The following LAD1 variants were observed in gnomAD, a reference collection of about 807,000 sequenced individuals.
LAD1 encodes ladinin 1.
Under a neutral mutation model 54.2 loss-of-function variants are expected in LAD1, and 53 were observed. That is an observed-to-expected ratio of 0.98 (90% CI 0.78 to 1.23). LAD1 has a LOEUF of 1.23. Among genes scored for constraint, LAD1 ranks in the 50% most tolerant of loss-of-function variants. The pLI, the probability that LAD1 is intolerant of heterozygous loss-of-function variation, is 0.00. For synonymous variants in LAD1, 231 were observed against 257.7 expected (o/e 0.90, Z 0.99); for missense variants, 637 against 653.3 (o/e 0.98, Z 0.27).
chr1:201,388,247 C>T (rs1480990197), intron 2 of LAD1, among the ~76,000 whole-genome samples: 3 of 151,962 alleles, frequency 2.0e-5, no homozygotes, highest in South Asian at 2.1e-4. Context: ...AAAAATTATC[C>T]GGGCATGGTG....
At chr1:201,388,132 C>T (rs1490651292) in intron 2 of LAD1, among the ~76,000 whole-genome samples, 3 of 152,208 alleles carry the variant, frequency 2.0e-5, no homozygotes, top group Non-Finnish European at 4.4e-5. Flanking sequence ...GCGGCTCACA[C>T]CTGTAATCCC....
At chr1:201,388,528 C>T (rs140505467) in intron 2 of LAD1, among the ~76,000 whole-genome samples, 4,499 of 151,764 alleles carry the variant, frequency 0.03, 221 homozygotes, top group African/African-American at 0.1. Context: ...ACTAAAAATA[C>T]AAAAATTAGC....
At chr1:201,386,241 C>T (rs983667623) in intron 3 of LAD1, 94 bp downstream of exon 3, 2 of 1,242,730 alleles carry the variant, frequency 1.6e-6, no homozygotes, top group Non-Finnish European at 2.1e-6. Context: ...AGGATGGAGG[C>T]AGCCAGGGAA....
chr1:201,381,841 G>T lies in LAD1; in HGVS notation c.*47C>A. ...TGAGAGGCAGGGGCCTGGCATGAGG[G>T]AGGTCCCTTGAGACGAAGACTTGCA... is the stretch of plus-strand genomic sequence containing the variant. On this transcript the variant is annotated 3_prime_UTR_variant, in exon 10 of 10. Transcript: ENST00000391967. The T allele has an allele frequency of 6.2e-7, 1 of 1,602,108 alleles. No individual in the cohort carries two copies. Among genetic ancestry groups the T allele is most frequent in the Non-Finnish European group, 8.6e-7 (1 of 1,169,094 alleles).
At chr1:201,397,858 C>A (rs1410168355) in intron 1 of LAD1, among the ~76,000 whole-genome samples, 1 of 151,966 alleles carries the variant, frequency 6.6e-6, no homozygotes, top group East Asian at 1.9e-4. Flanking sequence ...ACAGGTAGGC[C>A]CACATCTAGA....
chr1:201,384,472 C>T (rs371260603), intron 5 of LAD1, among the ~76,000 whole-genome samples: 89 of 152,266 alleles, frequency 5.8e-4, no homozygotes, highest in South Asian at 4.4e-3. Flanking sequence ...TTACACTGTT[C>T]GTGGTCTCCC....
chr1:201,388,563 G>C (rs1292461333), intron 2 of LAD1, among the ~76,000 whole-genome samples: 2 of 149,368 alleles, frequency 1.3e-5, no homozygotes, highest in Non-Finnish European at 3.0e-5. Context: ...GGTGCCTGTA[G>C]TCCCAGCTAC....
At chr1:201,398,892 C>T (rs1332223874) in intron 1 of LAD1, among the ~76,000 whole-genome samples, 1 of 152,200 alleles carries the variant, frequency 6.6e-6, no homozygotes, top group African/African-American at 2.4e-5. Flanking sequence ...CAGAGACACA[C>T]GGGGGCAGTG....
At chr1:201,396,410 C>CTCTA (rs146754352) in intron 1 of LAD1, among the ~76,000 whole-genome samples, 6,636 of 152,302 alleles carry the variant, frequency 0.044, 197 homozygotes, top group African/African-American at 0.081. Context: ...TTGTTTTGAC[C>CTCTA]TCTACCCTGG....
In LAD1 at chr1:201,397,272, G is replaced by A. The variant is rs73078408; in HGVS notation, c.38+1997C>T. 6.5e-3 allele frequency: 998 copies of A among 152,562 alleles called. 11 individuals are homozygous for A. The highest frequency in any genetic ancestry group is 0.023 in the African/African-American group (964 of 41,574). The allele number at this position is 152,562 out of a possible 1,614,324, so 9.5% of individuals were successfully genotyped here. On this transcript the variant is annotated intron_variant, in intron 1 of 9. Transcript: ENST00000391967. The stretch of plus-strand genomic sequence containing the variant: ...GCTGAGGCTTGTTCACCCAGGGAGC[G>A]GAGCGGGAGCGGTCCTCTGTTCCAG...
chr1:201,384,688 T>G, intron 5 of LAD1, 104 bp downstream of exon 5: 1 of 1,162,292 alleles, frequency 8.6e-7, no homozygotes, highest in East Asian at 2.3e-5. Flanking sequence ...CTTCCCCTCA[T>G]GTGCCCTACC....
chr1:201,389,101 A>C, intron 2 of LAD1, 59 bp downstream of exon 2: 2 of 1,576,454 alleles, frequency 1.3e-6, no homozygotes, highest in Non-Finnish European at 1.7e-6. Context: ...AATATGCTGC[A>C]CTTAGTCTGA....
chr1:201,389,415 C>T (rs1662159465), intron 1 of LAD1, 112 bp from the exon 2 acceptor site: 2 of 1,250,058 alleles, frequency 1.6e-6, no homozygotes, highest in South Asian at 3.0e-5. Context: ...CCTGCACTGG[C>T]TACTAGCAGC....
intron 1 of LAD1, among the ~76,000 whole-genome samples, chr1:201,392,195 A>C (rs1571723949): frequency 6.6e-6 from 1 of 152,190 alleles, no homozygotes; most frequent in South Asian, 2.1e-4. Flanking sequence ...AACCACATGA[A>C]CCGCTCCGAT....
intron 4 of LAD1, 71 bp from the exon 5 acceptor site, chr1:201,384,906 C>A: frequency 1.4e-6 from 2 of 1,469,646 alleles, no homozygotes; most frequent in Non-Finnish European, 9.5e-7. Context: ...GAGTGAGGAG[C>A]CCAGCTCTCA....
Position 201,387,186 on chromosome 1 carries a change from A to G in LAD1, c.183-8T>C, listed in dbSNP as rs749058067. 6.0e-6 allele frequency: 9 copies of G among 1,497,424 alleles called. No individual in the cohort carries two copies. The South Asian group carries it at 1.3e-4, about 21-fold the overall frequency. The allele number at this position is 1,497,424 out of a possible 1,614,324, so 92.8% of individuals were successfully genotyped here. A position where few individuals can be genotyped will look rare whatever the true frequency, so the allele number is the denominator to read the frequency against. ...TCTTCCACGCTCGGTAGTCTGAATCAGAAGATGGGAGACAGAATCAGAGGA... is the reference window on the plus strand; with the variant it reads ...TCTTCCACGCTCGGTAGTCTGAATCGGAAGATGGGAGACAGAATCAGAGGA... On this transcript the variant is annotated splice_region_variant and splice_polypyrimidine_tract_variant and intron_variant, in intron 2 of 9. Transcript: ENST00000391967.
intron 1 of LAD1, among the ~76,000 whole-genome samples, chr1:201,396,261 C>A (rs1452492417): frequency 6.6e-6 from 1 of 152,172 alleles, no homozygotes; most frequent in African/African-American, 2.4e-5. Context: ...TCTGGGGACA[C>A]ATGTCCCTCT....
chr1:201,387,325 C>T (rs1463025574), intron 2 of LAD1, 147 bp from the exon 3 acceptor site: 1 of 725,632 alleles, frequency 1.4e-6, no homozygotes, highest in East Asian at 2.9e-5. Context: ...CCACCTTTAT[C>T]CACTCGATAT....
rs1662104511 is a variant in LAD1, at chr1:201,387,004, C to T, written c.357G>A (p.Arg119=). Residue 119 remains arginine (R), a synonymous_variant, in exon 3 of 10, where the codon AGG becomes AGA. Transcript: ENST00000391967. The part of the protein sequence containing the change: ...IQERLEAEEG[R]NSLSPVQATQ... ...TGGCCTGCACAGGGCTCAAGCTGTT[C>T]CTCCCCTCCTCTGCCTCCAGCCTCT... 1 of 1,608,884 alleles carries T rather than the reference C, an allele frequency of 6.2e-7. No individual in the cohort carries two copies. The highest frequency in any genetic ancestry group is 8.5e-7 in the Non-Finnish European group (1 of 1,177,944).
Sources: gnomAD v4.1 joint callset for allele counts (sites outside exome capture counted in the v4.1 genomes callset) on GRCh38, gnomAD v4.1.1 for gene constraint, MANE v1.5 for transcripts, NCBI Gene and HGNC (gene_info 2026-07-23, HGNC 2026-07-21) for gene names.